The following CRYGN variants were observed in gnomAD, a reference collection of about 807,000 sequenced individuals.
CRYGN encodes the protein crystallin gamma N.
In CRYGN, 17 loss-of-function variants were observed where a neutral mutation model predicts 19.2. That is an observed-to-expected ratio of 0.89 (90% CI 0.61 to 1.33). The LOEUF is 1.33. Among genes scored for constraint, CRYGN ranks in the 40% most tolerant of loss-of-function variants. The pLI is 0.00. For missense variants in CRYGN, 239 were observed against 239.6 expected, an observed-to-expected ratio of 1.00 and a Z score of 0.02; for synonymous variants, 84 against 85.8, an observed-to-expected ratio of 0.98 and a Z score of 0.12.
rs949228474 is a variant in CRYGN, at chr7:151,432,293, C to T, written c.417-2113G>A. 1.3e-5 allele frequency: 16 copies of T among 1,227,440 alleles called. No individual in the cohort carries two copies. The East Asian group carries it at 4.7e-4, about 36-fold the overall frequency. 76.0% of individuals were successfully genotyped at this position (1,227,440 alleles called of 1,614,324 possible). ...TCCTCATACAGGACCCACCTGGAGG[C>T]CAGGGGAGTGGGGATCAGGGGCTGC... On this transcript the variant is annotated intron_variant, in intron 3 of 3. Coordinates refer to ENST00000337323, the MANE Select transcript of CRYGN (RefSeq NM_144727.3).
intron 3 of CRYGN, chr7:151,432,190 G>A: frequency 8.1e-7 from 1 of 1,232,092 alleles, no homozygotes; most frequent in East Asian, 3.2e-5. Context: ...CTGCACTCGT[G>A]CGCTGTGGGC....
Position 151,439,945 on chromosome 7 carries a change from C to T in CRYGN, c.-28G>A. 6.6e-7 allele frequency: 1 copy of T among 1,524,308 alleles called. No individual in the cohort carries two copies. 94.4% of individuals were successfully genotyped at this position (1,524,308 alleles called of 1,614,324 possible). On this transcript the variant is annotated 5_prime_UTR_variant, in exon 1 of 4. Transcript: ENST00000337323. ...TGCGCCCCGCCCCTTCCGCGGGTCC[C>T]CGTTTACACCGGGCAGCGCCCTGCT... is the stretch of plus-strand genomic sequence containing the variant.
At position 151,431,937 on chromosome 7, in the gene CRYGN, C is replaced by A; in HGVS notation, c.417-1757G>T. 1 of 349,868 alleles carries A rather than the reference C, an allele frequency of 2.9e-6. No homozygotes were observed. The highest frequency in any genetic ancestry group is 5.1e-6 in the Non-Finnish European group (1 of 195,490). 21.7% of individuals were successfully genotyped at this position (349,868 alleles called of 1,614,324 possible). On this transcript the variant is annotated intron_variant, in intron 3 of 3. Coordinates refer to ENST00000337323, the MANE Select transcript of CRYGN (RefSeq NM_144727.3). The surrounding 1 kb of genome is among the most constrained non-coding windows in gnomAD (Gnocchi z 4.8). ...CCACCTCTCCCCACCACTCTCCCCTCCCTGGCCCAGGGGGTCCCTGGGAGT... is the reference window on the plus strand; with the variant it reads ...CCACCTCTCCCCACCACTCTCCCCTACCTGGCCCAGGGGGTCCCTGGGAGT...
In CRYGN at chr7:151,431,902, T is replaced by G; in HGVS notation, c.417-1722A>C. 3.4e-6 allele frequency: 1 copy of G among 292,092 alleles called. No homozygotes were observed. The highest frequency in any genetic ancestry group is 6.3e-6 in the Non-Finnish European group (1 of 158,490). The allele number at this position is 292,092 out of a possible 1,614,324, so 18.1% of individuals were successfully genotyped here. A position where few individuals can be genotyped will look rare whatever the true frequency, so the allele number is the denominator to read the frequency against. ...GGGTTCCGGCCCTGCCCCATCCCCA[T>G]TGCTTCTCACCACCTCTCCCCACCA... On this transcript the variant is annotated intron_variant, in intron 3 of 3. Transcript: ENST00000337323. This position sits in a 1 kb window ranked among gnomAD's most constrained non-coding sequence, Gnocchi z 4.8.
chr7:151,430,216 C>G lies in CRYGN; in HGVS notation c.417-36G>C. Reference sequence around the variant, plus strand: ...CAGGTGAAAGGAGGTGGGGCCAGGGCATTAGGGGTACAGAGCAGGCCTTTT... The same window carrying G: ...CAGGTGAAAGGAGGTGGGGCCAGGGGATTAGGGGTACAGAGCAGGCCTTTT... On this transcript the variant is annotated intron_variant, in intron 3 of 3. Coordinates refer to ENST00000337323, the MANE Select transcript of CRYGN (RefSeq NM_144727.3). The surrounding 1 kb of genome is among the most constrained non-coding windows in gnomAD (Gnocchi z 5.2). 6.2e-7 allele frequency: 1 copy of G among 1,611,448 alleles called. No individual in the cohort carries two copies. Among genetic ancestry groups the G allele is most frequent in the African/African-American group, 1.3e-5 (1 of 74,978 alleles).
chr7:151,437,425 G>A (rs925135243), intron 2 of CRYGN, among the ~76,000 whole-genome samples: 16 of 152,214 alleles, frequency 1.1e-4, no homozygotes, highest in Admixed American at 3.9e-4. Context: ...GGAGCAGCTG[G>A]ACCGAAACAG....
chr7:151,439,688 G>C (rs796120668), intron 1 of CRYGN, among the ~76,000 whole-genome samples: 104 of 152,304 alleles, frequency 6.8e-4, no homozygotes, highest in African/African-American at 2.3e-3. Context: ...TGGAATCCCA[G>C]AAGGAAGGAG....
At chr7:151,437,306 C>A (rs1214741824) in intron 2 of CRYGN, among the ~76,000 whole-genome samples, 1 of 152,160 alleles carries the variant, frequency 6.6e-6, no homozygotes, top group Non-Finnish European at 1.5e-5. Context: ...GAGAGATGCA[C>A]GCCCCCAGGC....
chr7:151,437,950 T>C, intron 2 of CRYGN, 46 bp downstream of exon 2: 1 of 1,606,274 alleles, frequency 6.2e-7, no homozygotes, highest in Non-Finnish European at 8.5e-7. Context: ...TGACCCTCGG[T>C]CCCTCCAGCA....
chr7:151,438,220 A>T lies in CRYGN; in HGVS notation c.46T>A (p.Phe16Ile), dbSNP rs1801672285. Reference sequence around the variant, plus strand: ...AAGACCTCCAGCTTCTGCCCTGTGAAGTGCTTGCCTTCATAGAGAGTGATC... The same window carrying T: ...AAGACCTCCAGCTTCTGCCCTGTGATGTGCTTGCCTTCATAGAGAGTGATC... ...GKITLYEGKH[F>I]TGQKLEVFGD... is the part of the protein sequence containing the mutation. The change falls in exon 2 of 4, where the codon TTC (phenylalanine) becomes ATC (isoleucine). Residue 16 changes from phenylalanine (F) to isoleucine (I), a missense_variant. Transcript: ENST00000337323. The T allele has an allele frequency of 1.2e-6, 2 of 1,613,068 alleles. No homozygotes were observed. The highest frequency in any genetic ancestry group is 1.7e-6 in the Non-Finnish European group (2 of 1,179,670).
Position 151,438,200 on chromosome 7 carries a change from C to T in CRYGN, c.66G>A (p.Glu22=). ...EGKHFTGQKL[E]VFGDCDNFQD... is the part of the protein sequence containing the mutation. ...GGAAGTTGTCACAGTCCCCGAAGAC[C>T]TCCAGCTTCTGCCCTGTGAAGTGCT... is the stretch of plus-strand genomic sequence containing the variant. Residue 22 remains glutamate, a synonymous_variant, in exon 2 of 4, where the codon GAG becomes GAA. Coordinates refer to ENST00000337323, the MANE Select transcript of CRYGN (RefSeq NM_144727.3). 6.2e-7 allele frequency: 1 copy of T among 1,614,008 alleles called. No individual in the cohort carries two copies. The highest frequency in any genetic ancestry group is 8.5e-7 in the Non-Finnish European group (1 of 1,180,024).
intron 2 of CRYGN, among the ~76,000 whole-genome samples, chr7:151,437,280 C>T (rs373208202): frequency 1.3e-5 from 2 of 152,310 alleles, no homozygotes; most frequent in Non-Finnish European, 1.5e-5. Context: ...CAGACATAAG[C>T]GAGACGCTCT....
chr7:151,438,454 T>C (rs1378510963), intron 1 of CRYGN, among the ~76,000 whole-genome samples: 1 of 152,198 alleles, frequency 6.6e-6, no homozygotes, highest in Non-Finnish European at 1.5e-5. Context: ...ACAGCTACTG[T>C]TCCTCCCCAC....
intron 1 of CRYGN, among the ~76,000 whole-genome samples, chr7:151,439,328 CA>C (rs1199124807): frequency 6.6e-6 from 1 of 152,168 alleles, no homozygotes; most frequent in Admixed American, 6.5e-5. Context: ...CCTTGGAGAC[CA>C]AAGGCTTCAT....
Position 151,440,083 on chromosome 7 carries a change from C to T in CRYGN, c.-166G>A. 1 of 1,361,590 alleles carries T rather than the reference C, an allele frequency of 7.3e-7. No individual in the cohort carries two copies. Among genetic ancestry groups the T allele is most frequent in the Non-Finnish European group, 9.4e-7 (1 of 1,061,586 alleles). The allele number at this position is 1,361,590 out of a possible 1,614,324, so 84.3% of individuals were successfully genotyped here. A position where few individuals can be genotyped will look rare whatever the true frequency, so the allele number is the denominator to read the frequency against. On this transcript the variant is annotated 5_prime_UTR_variant, in exon 1 of 4. Coordinates refer to ENST00000337323, the MANE Select transcript of CRYGN (RefSeq NM_144727.3). ...GGCGGTTGGGACCCGCCGCGGCCAC[C>T]CTGTGCCACCGCGAGTGCAGCCCGC...
Position 151,436,316 on chromosome 7 carries a change from G to A in CRYGN, c.280C>T (p.His94Tyr). The A allele has an allele frequency of 3.2e-6, 5 of 1,575,046 alleles. No homozygotes were observed. Among genetic ancestry groups the A allele is most frequent in the Non-Finnish European group, 4.3e-6 (5 of 1,160,344 alleles). ...SCRPVGMHGE[H>Y]FRLEIFEGCN... ...CCCTCGAAGATTTCTAGGCGGAAAT[G>A]TTCTCCGTGCTCCAAGACCAAGCAA... Residue 94 changes from histidine (H) to tyrosine (Y), a missense_variant, in exon 3 of 4, where the codon CAT becomes TAT. Transcript: ENST00000337323. This position sits in a 1 kb window ranked among gnomAD's most constrained non-coding sequence, Gnocchi z 5.1.
rs1801584828 is a variant in CRYGN, at chr7:151,435,654, G to C, written c.416+526C>G. ...AGTCCATCTCCTCCCAGAGGCCAGGGTGGTGGGGGTTTGCAGAGAGGCCCG... is the reference window on the plus strand; with the variant it reads ...AGTCCATCTCCTCCCAGAGGCCAGGCTGGTGGGGGTTTGCAGAGAGGCCCG... On this transcript the variant is annotated intron_variant, in intron 3 of 3. Transcript: ENST00000337323. This position sits in a 1 kb window ranked among gnomAD's most constrained non-coding sequence, Gnocchi z 4.2. 6.6e-6 allele frequency among the ~76,000 whole-genome samples: 1 copy of C among 151,960 alleles called. No individual in the cohort carries two copies. The highest frequency in any genetic ancestry group is 2.1e-4 in the South Asian group (1 of 4,818).
rs144089618 is a variant in CRYGN at position 151,431,322 on chromosome 7, C to T, written c.417-1142G>A. 2.5e-3 allele frequency among the ~76,000 whole-genome samples: 388 copies of T among 152,292 alleles called. 2 individuals are homozygous for T. Among genetic ancestry groups the T allele is most frequent in the African/African-American group, 8.7e-3 (360 of 41,550 alleles). ...CCTCTTATGCCCAGGAATCCCACTG[C>T]CTGGGCCGAGTATCTCCTTCCAGGA... On this transcript the variant is annotated intron_variant, in intron 3 of 3. Coordinates refer to ENST00000337323, the MANE Select transcript of CRYGN (RefSeq NM_144727.3). The surrounding 1 kb of genome is among the most constrained non-coding windows in gnomAD (Gnocchi z 4.8).
In CRYGN at chr7:151,440,108, C is replaced by A; in HGVS notation, c.-191G>T. 7.3e-7 allele frequency: 1 copy of A among 1,362,348 alleles called. No individual in the cohort carries two copies. The highest frequency in any genetic ancestry group is 1.8e-5 in the South Asian group (1 of 55,942). The allele number at this position is 1,362,348 out of a possible 1,614,324, so 84.4% of individuals were successfully genotyped here. ...CCTGTGCCACCGCGAGTGCAGCCCG[C>A]CCTGCCCGGGGTCTCCCTGTGCTCT... is the stretch of plus-strand genomic sequence containing the variant. On this transcript the variant is annotated 5_prime_UTR_variant, in exon 1 of 4. Coordinates refer to ENST00000337323, the MANE Select transcript of CRYGN (RefSeq NM_144727.3).
Sources: allele counts gnomAD v4.1 joint callset (sites outside exome capture counted in the v4.1 genomes callset), GRCh38; gene constraint gnomAD v4.1.1; non-coding constraint Gnocchi (gnomAD v3.1); transcripts MANE v1.5; gene names NCBI Gene and HGNC (gene_info 2026-07-23, HGNC 2026-07-21).